Variants in ZNF624 observed in about 807,000 individuals in gnomAD.
ZNF624 encodes zinc finger protein 624.
Under a neutral mutation model 74.7 loss-of-function variants are expected in ZNF624, and 43 were observed. The ratio of observed to expected loss-of-function variants is 0.58; its 90% CI spans 0.45 to 0.74. The LOEUF (loss-of-function observed/expected upper bound fraction) is 0.74. ZNF624 is among the 30% of genes least tolerant of loss of function. The probability of loss-of-function intolerance (pLI) is 0.00; values close to 1 mark genes in which losing one functional copy is unlikely to be tolerated. For synonymous variants in ZNF624, 331 were observed against 341.3 expected, an observed-to-expected ratio of 0.97 and a Z score of 0.33; for missense variants, 820 against 1,030.0, an observed-to-expected ratio of 0.80 and a Z score of 2.79.
chr17:16,626,196 C>T (rs1249318720), intron 5 of ZNF624, among the ~76,000 whole-genome samples: 3 of 152,154 alleles, frequency 2.0e-5, no homozygotes, highest in Non-Finnish European at 4.4e-5. Flanking sequence ...AGTGATCCAC[C>T]CTCCTCGGCC....
At chr17:16,630,257 GA>G (rs1043444498) in intron 5 of ZNF624, among the ~76,000 whole-genome samples, 9 of 148,562 alleles carry the variant, frequency 6.1e-5, no homozygotes, top group Admixed American at 1.3e-4. Flanking sequence ...GATATTTTTA[GA>G]AAAAAAAAAG....
At chr17:16,624,655 A>T (rs1249947317) in intron 5 of ZNF624, 146 bp from the exon 6 acceptor site, 4 of 768,886 alleles carry the variant, frequency 5.2e-6, no homozygotes, top group Non-Finnish European at 7.8e-6. Flanking sequence ...AGTGAGAAGA[A>T]GGTAGGGTTA....
At chr17:16,628,267 C>G (rs1909121436) in intron 5 of ZNF624, among the ~76,000 whole-genome samples, 1 of 151,522 alleles carries the variant, frequency 6.6e-6, no homozygotes, top group African/African-American at 2.4e-5. Flanking sequence ...TGTCTGCCTC[C>G]CCCGACCCCA....
At chr17:16,629,226 G>C (rs1218066041) in intron 5 of ZNF624, among the ~76,000 whole-genome samples, 1 of 138,006 alleles carries the variant, frequency 7.2e-6, no homozygotes, top group East Asian at 2.1e-4. Flanking sequence ...AAAAAAATCT[G>C]TCTCTCTCTC....
At chr17:16,614,520 C>T in the ZNF624 span, among the ~76,000 whole-genome samples, 1 of 152,120 alleles carries the variant, frequency 6.6e-6, no homozygotes, top group Non-Finnish European at 1.5e-5. Context: ...TCTATCAAAT[C>T]ATTGACTACA....
At chr17:16,651,683 G>C (rs1414653944) in intron 1 of ZNF624, among the ~76,000 whole-genome samples, 1 of 152,116 alleles carries the variant, frequency 6.6e-6, no homozygotes, top group Non-Finnish European at 1.5e-5. Context: ...TTCTGTCATA[G>C]AGCCTTTTGC....
intron 5 of ZNF624, among the ~76,000 whole-genome samples, chr17:16,632,300 A>G (rs1324604880): frequency 6.6e-6 from 1 of 152,150 alleles, no homozygotes; most frequent in African/African-American, 2.4e-5. Flanking sequence ...AACCCTGTCA[A>G]ACACTTTAGT....
intron 1 of ZNF624, among the ~76,000 whole-genome samples, chr17:16,651,761 G>A (rs118099756): frequency 0.014 from 2,088 of 152,120 alleles, 27 homozygotes; most frequent in South Asian, 0.024. Context: ...AACTAGAGGG[G>A]TCTCAAATCT....
intron 4 of ZNF624, among the ~76,000 whole-genome samples, chr17:16,634,306 G>C (rs1414574143): frequency 6.6e-6 from 1 of 152,152 alleles, no homozygotes; most frequent in Non-Finnish European, 1.5e-5. Context: ...ATAATAGATT[G>C]TGGAAATAAA....
chr17:16,622,891 T>C lies in ZNF624; in HGVS notation c.1995A>G (p.Glu665=). 2 of 1,614,038 alleles carry C rather than the reference T, an allele frequency of 1.2e-6. No homozygotes were observed. Among genetic ancestry groups the C allele is most frequent in the Non-Finnish European group, 1.7e-6 (2 of 1,179,958 alleles). The change falls in exon 6 of 6, where the codon GAA becomes GAG. Residue 665 remains glutamate (E), a synonymous_variant. Coordinates refer to ENST00000311331, the MANE Select transcript of ZNF624 (RefSeq NM_020787.4). The part of the protein sequence containing the change: ...LIVHQRTHTG[E]KPYKCNECEK... ...CACATTCATTACATTTATATGGTTT[T>C]TCTCCAGTATGGGTCCTCTGATGTA...
At chr17:16,631,877 T>C (rs1252518365) in intron 5 of ZNF624, among the ~76,000 whole-genome samples, 2 of 152,114 alleles carry the variant, frequency 1.3e-5, no homozygotes, top group Non-Finnish European at 2.9e-5. Context: ...AGTATGCCAA[T>C]AAATTTTAAA....
At chr17:16,644,716 T>G (rs1909546447) in intron 3 of ZNF624, among the ~76,000 whole-genome samples, 1 of 152,232 alleles carries the variant, frequency 6.6e-6, no homozygotes. Context: ...CAAGCTAGAA[T>G]AGAGATACAG....
At chr17:16,641,477 T>C (rs1391664831) in intron 3 of ZNF624, among the ~76,000 whole-genome samples, 1 of 152,180 alleles carries the variant, frequency 6.6e-6, no homozygotes, top group Non-Finnish European at 1.5e-5. Context: ...AGAGACAGGG[T>C]TTCACCATGT....
In ZNF624 at chr17:16,629,146, C is replaced by T. The variant is rs553235770; in HGVS notation, c.377-4637G>A. Among the ~76,000 whole-genome samples the T allele has an allele frequency of 8.4e-5, 12 of 142,672 alleles. No individual in the cohort carries two copies. The South Asian group carries it at 2.0e-3, about 24-fold the overall frequency. 93.6% of individuals were successfully genotyped at this position (142,672 alleles called of 152,430 possible). ...CCAGGAGGCAGAGGTTGCAGTGAGC[C>T]GAGATCACGTCACTGCACTCCAGCC... On this transcript the variant is annotated intron_variant, in intron 5 of 5. Transcript: ENST00000311331.
chr17:16,649,828 T>C (rs1055676192), intron 1 of ZNF624, 82 bp from the exon 2 acceptor site: 8 of 1,068,782 alleles, frequency 7.5e-6, no homozygotes, highest in Non-Finnish European at 1.2e-5. Context: ...GACATACAAG[T>C]GAGCATGACC....
rs536357578 is a variant in ZNF624 at position 16,632,706 on chromosome 17, T to C, written c.376+1156A>G. Among the ~76,000 whole-genome samples the C allele has an allele frequency of 4.6e-5, 7 of 152,374 alleles. No individual in the cohort carries two copies. In the South Asian group the frequency reaches 8.3e-4, roughly 18 times the overall value. On this transcript the variant is annotated intron_variant, in intron 5 of 5. Coordinates refer to ENST00000311331, the MANE Select transcript of ZNF624 (RefSeq NM_020787.4). ...TTACTATCATCTCCTGGATAGACTA[T>C]TGTAACAACCTTTTAACTTACTGCC...
intron 3 of ZNF624, among the ~76,000 whole-genome samples, chr17:16,643,665 A>G (rs2142639440): frequency 6.6e-6 from 1 of 152,312 alleles, no homozygotes; most frequent in African/African-American, 2.4e-5. Flanking sequence ...ATTTTATGAT[A>G]TATTAATTAC....
chr17:16,619,163 T>C (rs1908851168), downstream of ZNF624, among the ~76,000 whole-genome samples: 1 of 150,848 alleles, frequency 6.6e-6, no homozygotes. Flanking sequence ...TAAATGATGT[T>C]GAACAAATTG....
At chr17:16,632,557 AAT>A (rs1909230609) in intron 5 of ZNF624, among the ~76,000 whole-genome samples, 1 of 152,240 alleles carries the variant, frequency 6.6e-6, no homozygotes, top group Non-Finnish European at 1.5e-5. Context: ...AAGTATAAAT[AAT>A]ATCTGATATA....
Sources: allele counts gnomAD v4.1 joint callset (sites outside exome capture counted in the v4.1 genomes callset), GRCh38; gene constraint gnomAD v4.1.1; transcripts MANE v1.5; gene names NCBI Gene and HGNC (gene_info 2026-07-23, HGNC 2026-07-21).